The following PRKCQ variants were observed in gnomAD, a reference collection of about 807,000 sequenced individuals.
PRKCQ encodes the protein protein kinase C theta type.
In PRKCQ, 41 loss-of-function variants were observed where a neutral mutation model predicts 91.2. The observed-to-expected ratio is 0.45, with a 90% CI of 0.35 to 0.58. The LOEUF (loss-of-function observed/expected upper bound fraction) is 0.58, where lower values mean the gene tolerates loss of function less well. PRKCQ is among the 20% of genes least tolerant of loss of function. The pLI, the probability that PRKCQ is intolerant of heterozygous loss-of-function variation, is 0.00. For missense variants in PRKCQ, 673 were observed against 896.5 expected (o/e 0.75, Z 3.18); for synonymous variants, 307 against 316.9 (o/e 0.97, Z 0.33).
chr10:6,477,637 G>A (rs568415350), intron 12 of PRKCQ, among the ~76,000 whole-genome samples: 10 of 152,324 alleles, frequency 6.6e-5, no homozygotes, highest in Middle Eastern at 3.4e-3. Context: ...GGAGGCTGAG[G>A]GGGGTGGATC....
Position 6,551,312 on chromosome 10 carries a change from C to T in PRKCQ, c.-10+28899G>A, listed in dbSNP as rs11814108. Reference sequence around the variant, plus strand: ...GGATAATGGCCTCCAGCTCCATCCACGTTTCTGCAAAAGTCCTGGTCTCAT... The same window carrying T: ...GGATAATGGCCTCCAGCTCCATCCATGTTTCTGCAAAAGTCCTGGTCTCAT... On this transcript the variant is annotated intron_variant, in intron 1 of 17. Transcript: ENST00000263125. Among the ~76,000 whole-genome samples, 56 of 152,080 alleles carry T rather than the reference C, an allele frequency of 3.7e-4. 1 individual carries two copies. Among genetic ancestry groups the T allele is most frequent in the Non-Finnish European group, 6.8e-4 (46 of 68,004 alleles).
In PRKCQ at chr10:6,578,743, A is replaced by G. The variant is rs567241553; in HGVS notation, c.-10+1468T>C. Among the ~76,000 whole-genome samples, 3 of 152,386 alleles carry G rather than the reference A, an allele frequency of 2.0e-5. No individual in the cohort carries two copies. The South Asian group carries it at 6.2e-4, about 32-fold the overall frequency. Reference sequence around the variant, plus strand: ...ACAGCTGTGCATAAACTTCAAAAGTAATTTGCAACCATATTAGTAAATGTC... The same window carrying G: ...ACAGCTGTGCATAAACTTCAAAAGTGATTTGCAACCATATTAGTAAATGTC... On this transcript the variant is annotated intron_variant, in intron 1 of 17. Coordinates refer to ENST00000263125, the MANE Select transcript of PRKCQ (RefSeq NM_006257.5).
chr10:6,528,960 G>T (rs1443171892), intron 1 of PRKCQ, among the ~76,000 whole-genome samples: 1 of 152,130 alleles, frequency 6.6e-6, no homozygotes, highest in Non-Finnish European at 1.5e-5. Flanking sequence ...TCTACTCCAT[G>T]GCTGTGGTTT....
At chr10:6,544,277 T>C (rs934653919) in intron 1 of PRKCQ, among the ~76,000 whole-genome samples, 8 of 152,244 alleles carry the variant, frequency 5.3e-5, no homozygotes, top group African/African-American at 1.9e-4. Flanking sequence ...GGATGGTTTG[T>C]GGATGGCTTT....
chr10:6,572,771 C>T (rs1043784449), intron 1 of PRKCQ, among the ~76,000 whole-genome samples: 4 of 152,010 alleles, frequency 2.6e-5, no homozygotes, highest in South Asian at 2.1e-4. Context: ...CTGAGTCAAA[C>T]GGTATTTCTG....
At chr10:6,399,939 C>A in the PRKCQ span, among the ~76,000 whole-genome samples, 3 of 152,056 alleles carry the variant, frequency 2.0e-5, no homozygotes, top group South Asian at 2.1e-4. Flanking sequence ...GTTGGGGGGG[C>A]GGACACTGAG....
chr10:6,399,732 G>A, the PRKCQ span, among the ~76,000 whole-genome samples: 2 of 152,120 alleles, frequency 1.3e-5, no homozygotes, highest in Admixed American at 6.5e-5. Context: ...CCCTAGAGTC[G>A]TTTGTTTAGT....
rs1564324395 is a variant in PRKCQ at position 6,467,397 on chromosome 10, G to GAC, written c.1354-2994_1354-2993insGT. ...AGACAGAGAGAGACAGACAGAGAGA[G>GAC]AGAGAGAGAGAGAGAGAGAGAGAGA... On this transcript the variant is annotated intron_variant, in intron 12 of 17. Coordinates refer to ENST00000263125, the MANE Select transcript of PRKCQ (RefSeq NM_006257.5). 1.2e-4 allele frequency among the ~76,000 whole-genome samples: 9 copies of GAC among 76,302 alleles called. 1 individual carries two copies. Among genetic ancestry groups the GAC allele is most frequent in the Non-Finnish European group, 2.5e-4 (8 of 31,932 alleles). 50.1% of individuals were successfully genotyped at this position (76,302 alleles called of 152,430 possible). A position where few individuals can be genotyped will look rare whatever the true frequency, so the allele number is the denominator to read the frequency against.
In PRKCQ at chr10:6,573,006, T is replaced by C. The variant is rs182920170; in HGVS notation, c.-10+7205A>G. On this transcript the variant is annotated intron_variant, in intron 1 of 17. Coordinates refer to ENST00000263125, the MANE Select transcript of PRKCQ (RefSeq NM_006257.5). ...GATCAGTGATATTGAGGGTTTTTTTTCCATGTTTGTTGGCTGCATGAATGT... is the reference window on the plus strand; with the variant it reads ...GATCAGTGATATTGAGGGTTTTTTTCCCATGTTTGTTGGCTGCATGAATGT... 3.3e-5 allele frequency among the ~76,000 whole-genome samples: 5 copies of C among 152,358 alleles called. No homozygotes were observed. In the East Asian group the frequency reaches 7.7e-4, roughly 24 times the overall value.
chr10:6,565,236 A>C (rs113590267), intron 1 of PRKCQ, among the ~76,000 whole-genome samples: 17 of 152,360 alleles, frequency 1.1e-4, no homozygotes, highest in African/African-American at 4.1e-4. Context: ...TTATGTTTAC[A>C]TATTTAGACC....
At chr10:6,559,956 T>C (rs1337440699) in intron 1 of PRKCQ, among the ~76,000 whole-genome samples, 1 of 152,212 alleles carries the variant, frequency 6.6e-6, no homozygotes, top group East Asian at 1.9e-4. Flanking sequence ...TTACCTTATT[T>C]GTGTGTTATT....
At chr10:6,569,967 G>A (rs971633822) in intron 1 of PRKCQ, among the ~76,000 whole-genome samples, 8 of 152,170 alleles carry the variant, frequency 5.3e-5, no homozygotes, top group East Asian at 1.9e-4. Flanking sequence ...GATGAGGGAA[G>A]AGGATGCTCA....
chr10:6,452,239 A>G (rs187973398), intron 15 of PRKCQ, among the ~76,000 whole-genome samples: 13,495 of 152,252 alleles, frequency 0.089, 655 homozygotes, highest in Middle Eastern at 0.18. Context: ...CTCAGCATAC[A>G]AAATCAATGT....
chr10:6,537,755 G>C (rs934072269), intron 1 of PRKCQ, among the ~76,000 whole-genome samples: 2 of 152,132 alleles, frequency 1.3e-5, no homozygotes, highest in African/African-American at 2.4e-5. Flanking sequence ...CTTCTCTGGG[G>C]CTCTCAAAGA....
intron 15 of PRKCQ, among the ~76,000 whole-genome samples, chr10:6,455,515 A>G (rs1377902851): frequency 6.6e-6 from 1 of 152,208 alleles, no homozygotes; most frequent in African/African-American, 2.4e-5. Context: ...CTGCTGAATA[A>G]TTTTACCCAG....
intron 4 of PRKCQ, among the ~76,000 whole-genome samples, chr10:6,499,166 T>C (rs1047451279): frequency 3.9e-5 from 6 of 152,192 alleles, no homozygotes; most frequent in African/African-American, 1.4e-4. Context: ...CTGCCAACCA[T>C]ATTTACCAAT....
chr10:6,534,797 T>G (rs1294956278), intron 1 of PRKCQ, among the ~76,000 whole-genome samples: 18 of 147,200 alleles, frequency 1.2e-4, no homozygotes, highest in Admixed American at 2.7e-4. Context: ...TATATAGATA[T>G]ATATATATAT....
chr10:6,579,563 T>C lies in PRKCQ; in HGVS notation c.-10+648A>G, dbSNP rs549810324. Reference sequence around the variant, plus strand: ...AATCCAATACCACAAAGATACTTTATTGCACAAACTTTGCTTGGTTAACCT... The same window carrying C: ...AATCCAATACCACAAAGATACTTTACTGCACAAACTTTGCTTGGTTAACCT... On this transcript the variant is annotated intron_variant, in intron 1 of 17. Coordinates refer to ENST00000263125, the MANE Select transcript of PRKCQ (RefSeq NM_006257.5). Among the ~76,000 whole-genome samples the C allele has an allele frequency of 2.0e-4, 31 of 152,224 alleles. No individual in the cohort carries two copies. In the South Asian group the frequency reaches 3.9e-3, roughly 19 times the overall value.
chr10:6,539,374 T>C (rs577867276), intron 1 of PRKCQ, among the ~76,000 whole-genome samples: 22 of 152,220 alleles, frequency 1.4e-4, no homozygotes, highest in African/African-American at 5.1e-4. Flanking sequence ...CGTTCCTGCC[T>C]GAGCCCCGCC....
Sources: allele counts gnomAD v4.1 joint callset (sites outside exome capture counted in the v4.1 genomes callset), GRCh38; gene constraint gnomAD v4.1.1; transcripts MANE v1.5; gene names NCBI Gene and HGNC (gene_info 2026-07-23, HGNC 2026-07-21).